Variants in SHQ1 observed in about 807,000 individuals in gnomAD.
SHQ1 encodes the protein SHQ1, H/ACA ribonucleoprotein assembly factor.
A neutral mutation model predicts 53.8 loss-of-function variants in SHQ1; 49 were observed. The ratio of observed to expected loss-of-function variants is 0.91; its 90% confidence interval spans 0.72 to 1.16. SHQ1 has a LOEUF of 1.16. SHQ1 is among the 50% of genes most tolerant of loss of function. The pLI, the probability that SHQ1 is intolerant of heterozygous loss-of-function variation, is 0.00. For missense variants in SHQ1, 738 were observed against 683.1 expected, an observed-to-expected ratio of 1.08 and a Z score of -0.90; for synonymous variants, 243 against 251.0, an observed-to-expected ratio of 0.97 and a Z score of 0.30.
intron 9 of SHQ1, among the ~76,000 whole-genome samples, chr3:72,804,797 A>G (rs778027811): frequency 2.0e-5 from 3 of 152,188 alleles, no homozygotes; most frequent in African/African-American, 4.8e-5. Context: ...TGAAGTTGCA[A>G]TGAGCCATGA....
At chr3:72,773,130 G>C (rs1705890241) in intron 10 of SHQ1, 2 of 756,444 alleles carry the variant, frequency 2.6e-6, no homozygotes, top group Admixed American at 3.9e-5. Context: ...TCAAAGTCAT[G>C]AAGTTTCAGG....
intron 2 of SHQ1, among the ~76,000 whole-genome samples, chr3:72,843,414 A>G (rs965422441): frequency 1.3e-5 from 2 of 152,192 alleles, no homozygotes; most frequent in East Asian, 3.8e-4. Context: ...AAGTCTATGT[A>G]CTTCTTTTCT....
At chr3:72,795,970 G>A (rs983876006) in intron 9 of SHQ1, among the ~76,000 whole-genome samples, 6 of 151,918 alleles carry the variant, frequency 3.9e-5, no homozygotes, top group East Asian at 3.9e-4. Flanking sequence ...AGGCGTGGTA[G>A]TGCACGCCTG....
chr3:72,761,812 A>G (rs1457850481), intron 10 of SHQ1, among the ~76,000 whole-genome samples: 1 of 152,238 alleles, frequency 6.6e-6, no homozygotes, highest in African/African-American at 2.4e-5. Context: ...AAAGACCTCA[A>G]GTAGAACACT....
chr3:72,730,748 T>G, the SHQ1 span, among the ~76,000 whole-genome samples: 1 of 152,170 alleles, frequency 6.6e-6, no homozygotes, highest in Non-Finnish European at 1.5e-5. Flanking sequence ...TACACACACC[T>G]TCATCCAGCC....
intron 9 of SHQ1, among the ~76,000 whole-genome samples, chr3:72,801,004 G>A (rs1014860945): frequency 9.9e-5 from 15 of 152,266 alleles, no homozygotes; most frequent in African/African-American, 2.9e-4. Flanking sequence ...TCTTTCTTAA[G>A]TAACTTGTCA....
chr3:72,727,435 G>A, the SHQ1 span, among the ~76,000 whole-genome samples: 1 of 152,162 alleles, frequency 6.6e-6, no homozygotes, highest in Non-Finnish European at 1.5e-5. Flanking sequence ...GCCAGGACAC[G>A]TGGATTTCCT....
chr3:72,807,633 A>C (rs2106842372), intron 9 of SHQ1, among the ~76,000 whole-genome samples: 1 of 152,326 alleles, frequency 6.6e-6, no homozygotes, highest in East Asian at 1.9e-4. Flanking sequence ...TAAAATGTAA[A>C]TATTAAAAAG....
At chr3:72,794,893 A>G (rs1233692036) in intron 9 of SHQ1, 1 of 152,238 alleles carries the variant, frequency 6.6e-6, no homozygotes, top group Non-Finnish European at 1.5e-5. Context: ...AGTCCTCCCC[A>G]TAACCTCTCC....
At chr3:72,729,880 C>A in the SHQ1 span, among the ~76,000 whole-genome samples, 1 of 152,164 alleles carries the variant, frequency 6.6e-6, no homozygotes, top group African/African-American at 2.4e-5. Context: ...TGCAGTGGCG[C>A]GATCTCGTCT....
intron 9 of SHQ1, among the ~76,000 whole-genome samples, chr3:72,811,613 C>G (rs1270679659): frequency 2.0e-5 from 3 of 152,174 alleles, no homozygotes; most frequent in Non-Finnish European, 4.4e-5. Flanking sequence ...AACCATGATT[C>G]ATTTTTACAA....
chr3:72,823,416 C>T (rs182544664), intron 6 of SHQ1, among the ~76,000 whole-genome samples: 245 of 152,178 alleles, frequency 1.6e-3, no homozygotes, highest in Middle Eastern at 3.4e-3. Context: ...AACTGTGATG[C>T]ATTAGAGACC....
At chr3:72,819,959 T>G (rs1356642743) in intron 6 of SHQ1, among the ~76,000 whole-genome samples, 1 of 152,208 alleles carries the variant, frequency 6.6e-6, no homozygotes, top group African/African-American at 2.4e-5. Context: ...AGAGACAGTA[T>G]TCCCTTAGGT....
intron 9 of SHQ1, among the ~76,000 whole-genome samples, chr3:72,810,256 T>G (rs1233290772): frequency 6.6e-6 from 1 of 152,122 alleles, no homozygotes; most frequent in African/African-American, 2.4e-5. Context: ...TTAAAGAGTT[T>G]GGATTAAACA....
intron 4 of SHQ1, among the ~76,000 whole-genome samples, chr3:72,840,461 CA>C (rs1218926212): frequency 6.6e-6 from 1 of 150,450 alleles, no homozygotes; most frequent in Non-Finnish European, 1.5e-5. Context: ...GAGGCTGAGG[CA>C]GAAGAATTGC....
In SHQ1 at chr3:72,817,240, C is replaced by T; in HGVS notation, c.872G>A (p.Gly291Glu). 6.2e-7 allele frequency: 1 copy of T among 1,612,918 alleles called. No individual in the cohort carries two copies. Among genetic ancestry groups the T allele is most frequent in the Admixed American group, 1.7e-5 (1 of 59,810 alleles). The change falls in exon 7 of 11, where the codon GGA becomes GAA. Residue 291 changes from glycine to glutamate, a missense_variant. Transcript: ENST00000325599. ...CATACATGCACTTACATTCTTCTCT[C>T]CTTCAGTGACACGGGTTTCATAGCA... ...AYCYETRVTE[G>E]EKNVESAWNI...
Position 72,793,461 on chromosome 3 carries a change from C to T in SHQ1, c.1061-425G>A, listed in dbSNP as rs139333677. 1,285 of 149,670 alleles carry T rather than the reference C, an allele frequency of 8.6e-3. 109 individuals are homozygous for T. In the East Asian group the frequency reaches 0.2, roughly 23 times the overall value. 9.3% of individuals were successfully genotyped at this position (149,670 alleles called of 1,614,324 possible). A position where few individuals can be genotyped will look rare whatever the true frequency, so the allele number is the denominator to read the frequency against. On this transcript the variant is annotated intron_variant, in intron 9 of 10. Coordinates refer to ENST00000325599, the MANE Select transcript of SHQ1 (RefSeq NM_018130.3). Reference sequence around the variant, plus strand: ...GGTGGAGCTTGCCGTGAGCCAAGATCGCGCCACTGCACTCCAGCCTGGGCG... The same window carrying T: ...GGTGGAGCTTGCCGTGAGCCAAGATTGCGCCACTGCACTCCAGCCTGGGCG...
chr3:72,802,309 A>C (rs1397134363), intron 9 of SHQ1, among the ~76,000 whole-genome samples: 1 of 152,168 alleles, frequency 6.6e-6, no homozygotes, highest in Non-Finnish European at 1.5e-5. Context: ...CTAGGCAAGA[A>C]TAGGTCTCCT....
chr3:72,787,984 G>A (rs1012139597), intron 10 of SHQ1, among the ~76,000 whole-genome samples: 10 of 152,328 alleles, frequency 6.6e-5, no homozygotes, highest in Admixed American at 2.6e-4. Context: ...CCGAGGTGCC[G>A]GGATTGCAGA....
Sources: allele counts gnomAD v4.1 joint callset (sites outside exome capture counted in the v4.1 genomes callset), GRCh38; gene constraint gnomAD v4.1.1; transcripts MANE v1.5; gene names NCBI Gene and HGNC (gene_info 2026-07-23, HGNC 2026-07-21).